The following KCNMB2 variants were observed in gnomAD, a reference collection of about 807,000 sequenced individuals.
KCNMB2 encodes the protein calcium-activated potassium channel subunit beta-2.
KCNMB2 carries 9 observed loss-of-function variants against 24.5 expected under a neutral mutation model. That is an observed-to-expected ratio of 0.37 (90% CI 0.22 to 0.64). The LOEUF (loss-of-function observed/expected upper bound fraction) is 0.64. Among genes scored for constraint, KCNMB2 ranks in the 30% least tolerant of loss-of-function variants. KCNMB2 has a pLI of 0.63. For missense variants in KCNMB2, 226 were observed against 284.3 expected, an observed-to-expected ratio of 0.79 and a Z score of 1.47; for synonymous variants, 109 against 104.4, an observed-to-expected ratio of 1.04 and a Z score of -0.27.
intron 1 of KCNMB2, among the ~76,000 whole-genome samples, chr3:178,668,983 G>T (rs966621914): frequency 6.6e-6 from 1 of 152,104 alleles, no homozygotes; most frequent in Admixed American, 6.6e-5. Context: ...TTCATAAAAA[G>T]ATATTTACAT....
intron 1 of KCNMB2, among the ~76,000 whole-genome samples, chr3:178,566,773 T>C (rs1381503561): frequency 6.6e-6 from 1 of 152,186 alleles, no homozygotes; most frequent in South Asian, 2.1e-4. Flanking sequence ...CAAAAATTGA[T>C]TTTACTAAGG....
At chr3:178,641,462 C>T (rs1215914933) in intron 1 of KCNMB2, among the ~76,000 whole-genome samples, 1 of 151,896 alleles carries the variant, frequency 6.6e-6, no homozygotes, top group East Asian at 1.9e-4. Context: ...TTTTAAATTT[C>T]AAATCCATTT....
chr3:178,657,708 C>T (rs895198253), intron 1 of KCNMB2, among the ~76,000 whole-genome samples: 5 of 152,214 alleles, frequency 3.3e-5, no homozygotes, highest in Non-Finnish European at 5.9e-5. Flanking sequence ...GTTTATTTGG[C>T]TGATGGTTCT....
At chr3:178,833,684 A>G (rs1216775940) in intron 4 of KCNMB2, among the ~76,000 whole-genome samples, 5 of 152,188 alleles carry the variant, frequency 3.3e-5, no homozygotes, top group Admixed American at 3.3e-4. Context: ...TCCTAAGACA[A>G]TAGGAGGCGA....
chr3:178,552,062 C>T (rs965291390), intron 1 of KCNMB2, among the ~76,000 whole-genome samples: 2 of 152,194 alleles, frequency 1.3e-5, no homozygotes, highest in Non-Finnish European at 2.9e-5. Context: ...CACACACAAA[C>T]GTCTGGGGCA....
In KCNMB2 at chr3:178,843,259, C is replaced by G. The variant is rs768832382; in HGVS notation, c.*322C>G. 4.2e-6 allele frequency: 2 copies of G among 481,004 alleles called. No individual in the cohort carries two copies. The highest frequency in any genetic ancestry group is 3.1e-5 in the South Asian group (2 of 64,718). The allele number at this position is 481,004 out of a possible 1,614,324, so 29.8% of individuals were successfully genotyped here. ...CTTCGTGGAGGAATGTAGGTGACAT[C>G]AATGTGATAAAGTCTGTGTTCTGAG... is the stretch of plus-strand genomic sequence containing the variant. On this transcript the variant is annotated 3_prime_UTR_variant, in exon 5 of 5. Transcript: ENST00000452583.
At chr3:178,817,629 G>A (rs4131862) in intron 2 of KCNMB2, among the ~76,000 whole-genome samples, 39,992 of 152,012 alleles carry the variant, frequency 0.26, 7,066 homozygotes, top group African/African-American at 0.51. Flanking sequence ...AGAAGGGCAT[G>A]TTTCCCTAAG....
chr3:178,650,710 C>T (rs769398405), intron 1 of KCNMB2, among the ~76,000 whole-genome samples: 2 of 152,214 alleles, frequency 1.3e-5, no homozygotes, highest in African/African-American at 4.8e-5. Flanking sequence ...GAATATCCAC[C>T]GTGATCACGT....
intron 1 of KCNMB2, among the ~76,000 whole-genome samples, 158 bp downstream of exon 1, chr3:178,536,869 T>C (rs1429020112): frequency 6.6e-6 from 1 of 152,196 alleles, no homozygotes; most frequent in Admixed American, 6.5e-5. Flanking sequence ...CAAAACACAG[T>C]GGACAGTATT....
chr3:178,824,073 T>G (rs1370310426), intron 2 of KCNMB2, among the ~76,000 whole-genome samples: 1 of 152,174 alleles, frequency 6.6e-6, no homozygotes, highest in Non-Finnish European at 1.5e-5. Context: ...AGCTGTTTCT[T>G]GGTCACAGGC....
At chr3:178,560,980 C>A (rs1716295961) in intron 1 of KCNMB2, among the ~76,000 whole-genome samples, 1 of 152,172 alleles carries the variant, frequency 6.6e-6, no homozygotes, top group East Asian at 1.9e-4. Flanking sequence ...CAGAAGCACA[C>A]AGCAGAGTAT....
intron 1 of KCNMB2, among the ~76,000 whole-genome samples, chr3:178,693,943 T>C (rs1039741359): frequency 1.3e-5 from 2 of 151,530 alleles, no homozygotes; most frequent in African/African-American, 4.9e-5. Context: ...ATTTCAGAGC[T>C]CATTATTGGT....
At chr3:178,604,970 T>C (rs1452757928) in intron 1 of KCNMB2, among the ~76,000 whole-genome samples, 1 of 152,172 alleles carries the variant, frequency 6.6e-6, no homozygotes, top group Non-Finnish European at 1.5e-5. Flanking sequence ...ATAAAACTGA[T>C]GAAAGCTTAG....
intron 1 of KCNMB2, among the ~76,000 whole-genome samples, chr3:178,758,209 C>T (rs1420139785): frequency 3.2e-4 from 6 of 18,778 alleles, no homozygotes; most frequent in Non-Finnish European, 6.2e-4. Flanking sequence ...TATATATATC[C>T]AAGGGGATAT....
chr3:178,676,480 C>T (rs1024833776), intron 1 of KCNMB2, among the ~76,000 whole-genome samples: 8 of 152,164 alleles, frequency 5.3e-5, no homozygotes, highest in Non-Finnish European at 1.0e-4. Context: ...TCCTCCTCAG[C>T]CATTTTTCTC....
chr3:178,787,084 T>C (rs767881566), intron 1 of KCNMB2, among the ~76,000 whole-genome samples: 23 of 152,134 alleles, frequency 1.5e-4, no homozygotes, highest in Admixed American at 2.6e-4. Flanking sequence ...GCATAGCTAG[T>C]GCTCTTTCCA....
intron 1 of KCNMB2, among the ~76,000 whole-genome samples, chr3:178,565,805 C>T (rs1716497865): frequency 1.3e-5 from 2 of 152,080 alleles, no homozygotes. Flanking sequence ...CACATCCTCA[C>T]AATATAAATC....
chr3:178,625,853 CA>C (rs1260294066), intron 1 of KCNMB2, among the ~76,000 whole-genome samples: 3 of 152,150 alleles, frequency 2.0e-5, no homozygotes, highest in Non-Finnish European at 4.4e-5. Flanking sequence ...CGTGTTCTTC[CA>C]AATGCATCAA....
chr3:178,663,451 A>G (rs183408094), intron 1 of KCNMB2, among the ~76,000 whole-genome samples: 13 of 152,256 alleles, frequency 8.5e-5, no homozygotes, highest in Admixed American at 6.5e-4. Flanking sequence ...TGTTTTCTAC[A>G]TGATGTCGGT....
Sources: gnomAD v4.1 joint callset for allele counts (sites outside exome capture counted in the v4.1 genomes callset) on GRCh38, gnomAD v4.1.1 for gene constraint, MANE v1.5 for transcripts, NCBI Gene and HGNC (gene_info 2026-07-23, HGNC 2026-07-21) for gene names.